Variants in NEK7 observed in about 807,000 individuals in gnomAD.
NEK7 encodes the protein NIMA related kinase 7, also known as serine/threonine-protein kinase Nek7.
A neutral mutation model predicts 44.6 loss-of-function variants in NEK7; 18 were observed. That is an observed-to-expected ratio of 0.40 (90% CI 0.28 to 0.60). The LOEUF is 0.60. Ranked by LOEUF, NEK7 falls within the 20% of genes least tolerant of loss-of-function variation. The probability of loss-of-function intolerance (pLI) is 0.38; values close to 1 mark genes in which losing one functional copy is unlikely to be tolerated. For synonymous variants in NEK7, 130 were observed against 121.1 expected (o/e 1.07, Z -0.48); for missense variants, 256 against 366.5 (o/e 0.70, Z 2.46).
Position 198,319,042 on chromosome 1 carries a change from T to G in NEK7, c.799-370T>G, listed in dbSNP as rs191341407. On this transcript the variant is annotated intron_variant, in intron 9 of 9. Transcript: ENST00000367385. ...TACAATTAAGTCTGTTGTAGTAGAT[T>G]CTAGATCAAATATGTATGTGTGTAT... 1.8e-3 allele frequency among the ~76,000 whole-genome samples: 275 copies of G among 152,264 alleles called. 1 individual carries two copies. Among genetic ancestry groups the G allele is most frequent in the African/African-American group, 6.5e-3 (270 of 41,566 alleles).
chr1:198,246,088 C>T (rs888497398), intron 2 of NEK7, among the ~76,000 whole-genome samples: 2 of 152,184 alleles, frequency 1.3e-5, no homozygotes, highest in Non-Finnish European at 2.9e-5. Context: ...ATGCTACCTA[C>T]AGTGGAATGT....
chr1:198,246,407 T>A (rs774167050), intron 2 of NEK7, among the ~76,000 whole-genome samples: 24 of 152,344 alleles, frequency 1.6e-4, no homozygotes, highest in South Asian at 6.2e-4. Context: ...GCAAATGGGC[T>A]GTGAAGTTTA....
chr1:198,299,755 T>G (rs1275670405), intron 9 of NEK7, among the ~76,000 whole-genome samples: 2 of 152,230 alleles, frequency 1.3e-5, no homozygotes, highest in African/African-American at 4.8e-5. Flanking sequence ...TAGCCATACC[T>G]GCCAGTCAGC....
chr1:198,170,258 G>A (rs1435255570), intron 1 of NEK7, among the ~76,000 whole-genome samples: 1 of 152,166 alleles, frequency 6.6e-6, no homozygotes, highest in East Asian at 1.9e-4. Context: ...GGAAAAACGA[G>A]TGTGTCAGAC....
intron 5 of NEK7, among the ~76,000 whole-genome samples, chr1:198,266,324 A>G (rs148886897): frequency 1.6e-3 from 248 of 152,228 alleles, no homozygotes; most frequent in African/African-American, 5.7e-3. Flanking sequence ...CTATTGCCAA[A>G]TTAGTCCCTT....
chr1:198,301,486 C>G (rs1312840374), intron 9 of NEK7, among the ~76,000 whole-genome samples: 1 of 152,186 alleles, frequency 6.6e-6, no homozygotes, highest in Admixed American at 6.5e-5. Context: ...GGAGGCAGAA[C>G]TTGCAGTGAG....
At chr1:198,294,265 CAT>C (rs1571611069) in intron 8 of NEK7, among the ~76,000 whole-genome samples, 1 of 151,740 alleles carries the variant, frequency 6.6e-6, no homozygotes, top group Non-Finnish European at 1.5e-5. Flanking sequence ...TGTAACAAAA[CAT>C]GTTTTTATAT....
intron 1 of NEK7, among the ~76,000 whole-genome samples, chr1:198,193,688 A>G (rs1180972416): frequency 6.6e-6 from 1 of 152,194 alleles, no homozygotes; most frequent in African/African-American, 2.4e-5. Context: ...CTATAACATA[A>G]ACAGAACTAA....
chr1:198,166,608 A>C (rs1179183136), intron 1 of NEK7, among the ~76,000 whole-genome samples: 1 of 152,228 alleles, frequency 6.6e-6, no homozygotes, highest in East Asian at 1.9e-4. Context: ...GTGAGGCCCA[A>C]GGAGAGGGAG....
intron 9 of NEK7, among the ~76,000 whole-genome samples, chr1:198,311,904 T>C (rs930904098): frequency 4.6e-5 from 7 of 152,230 alleles, no homozygotes; most frequent in Non-Finnish European, 8.8e-5. Context: ...ATTCCCTTTT[T>C]TGGTTGTGTC....
intron 1 of NEK7, among the ~76,000 whole-genome samples, chr1:198,184,389 T>G (rs1664854837): frequency 6.6e-6 from 1 of 152,222 alleles, no homozygotes; most frequent in South Asian, 2.1e-4. Context: ...TTCCTGTCGA[T>G]CTGTTTGACA....
chr1:198,287,599 C>T (rs1251076500), intron 7 of NEK7, among the ~76,000 whole-genome samples: 1 of 151,328 alleles, frequency 6.6e-6, no homozygotes, highest in Non-Finnish European at 1.5e-5. Context: ...GAGAAAATGC[C>T]ACACTTGGCT....
At chr1:198,264,297 G>A in intron 5 of NEK7, 62 bp downstream of exon 5, 2 of 1,164,190 alleles carry the variant, frequency 1.7e-6, no homozygotes, top group South Asian at 1.3e-5. Context: ...AGAATTGTCT[G>A]TTAAACACAT....
chr1:198,245,790 T>TAG, intron 2 of NEK7, among the ~76,000 whole-genome samples: 1 of 151,516 alleles, frequency 6.6e-6, no homozygotes, highest in African/African-American at 2.4e-5. Context: ...TTGTGCAGCT[T>TAG]AGAAAAAAAA....
At chr1:198,260,488 C>T (rs1653424509) in intron 3 of NEK7, among the ~76,000 whole-genome samples, 1 of 151,240 alleles carries the variant, frequency 6.6e-6, no homozygotes, top group African/African-American at 2.4e-5. Flanking sequence ...ATTCTGAAAT[C>T]ATGGTAGTTA....
At chr1:198,265,365 C>G (rs1204963047) in intron 5 of NEK7, among the ~76,000 whole-genome samples, 1 of 152,026 alleles carries the variant, frequency 6.6e-6, no homozygotes, top group Non-Finnish European at 1.5e-5. Flanking sequence ...AAAACAAAAG[C>G]TATTTATTTG....
chr1:198,221,636 C>A (rs1666080698), intron 1 of NEK7, among the ~76,000 whole-genome samples: 1 of 151,552 alleles, frequency 6.6e-6, no homozygotes, highest in South Asian at 2.1e-4. Context: ...TCAATTTCTG[C>A]AAAATAAATT....
At chr1:198,166,630 C>T (rs571110908) in intron 1 of NEK7, among the ~76,000 whole-genome samples, 24 of 152,242 alleles carry the variant, frequency 1.6e-4, no homozygotes, top group African/African-American at 2.2e-4. Flanking sequence ...GAGATGGGAA[C>T]GGCTGGTGCA....
chr1:198,193,712 G>C (rs1665144757), intron 1 of NEK7, among the ~76,000 whole-genome samples: 2 of 152,018 alleles, frequency 1.3e-5, no homozygotes, highest in African/African-American at 4.8e-5. Context: ...ATTATCTTAA[G>C]AGATGCAGAA....
Sources: allele counts gnomAD v4.1 joint callset (sites outside exome capture counted in the v4.1 genomes callset), GRCh38; gene constraint gnomAD v4.1.1; transcripts MANE v1.5; gene names NCBI Gene and HGNC (gene_info 2026-07-23, HGNC 2026-07-21).